Variants in ARHGAP24 observed in about 807,000 individuals in gnomAD.
The protein encoded by ARHGAP24 is rho GTPase-activating protein 24.
Under a neutral mutation model 76.4 loss-of-function variants are expected in ARHGAP24, and 50 were observed. The observed-to-expected ratio is 0.65, with a 90% CI of 0.52 to 0.83. The LOEUF is 0.83. Among genes scored for constraint, ARHGAP24 ranks in the 40% least tolerant of loss-of-function variants. ARHGAP24 has a pLI of 0.00. For missense variants in ARHGAP24, 930 were observed against 914.2 expected, an observed-to-expected ratio of 1.02 and a Z score of -0.22; for synonymous variants, 345 against 323.3, an observed-to-expected ratio of 1.07 and a Z score of -0.72.
Position 85,536,152 on chromosome 4 carries a change from A to G in ARHGAP24, c.-20-34370A>G, listed in dbSNP as rs150213100. On this transcript the variant is annotated intron_variant, in intron 1 of 9. Transcript: ENST00000395184. ...CTTACTCCAGTACAAAAAAAAAAGG[A>G]CATGCTAATTACTCTCAGAGAACCT... 9.7e-3 allele frequency among the ~76,000 whole-genome samples: 1,469 copies of G among 152,206 alleles called. 13 individuals carry two copies. Among genetic ancestry groups the G allele is most frequent in the East Asian group, 0.018 (95 of 5,182 alleles).
At chr4:85,847,480 A>G (rs557837857) in intron 3 of ARHGAP24, among the ~76,000 whole-genome samples, 2 of 152,314 alleles carry the variant, frequency 1.3e-5, no homozygotes, top group South Asian at 4.1e-4. Context: ...ATATAGCAGA[A>G]TAAAGGATGT....
intron 4 of ARHGAP24, among the ~76,000 whole-genome samples, chr4:85,931,710 T>G (rs1736343818): frequency 6.6e-6 from 1 of 152,160 alleles, no homozygotes. Context: ...TTGACTTATT[T>G]GGGGGGAGTT....
chr4:85,567,030 G>T (rs1304555222), intron 1 of ARHGAP24, among the ~76,000 whole-genome samples: 3 of 152,148 alleles, frequency 2.0e-5, no homozygotes, highest in Non-Finnish European at 2.9e-5. Flanking sequence ...GTATGGGGAG[G>T]GATGGGGAGA....
chr4:85,742,827 T>A (rs1032165864), intron 3 of ARHGAP24, among the ~76,000 whole-genome samples: 3 of 152,230 alleles, frequency 2.0e-5, no homozygotes, highest in African/African-American at 7.2e-5. Flanking sequence ...TTTTGTTATA[T>A]TTTAGTGCCA....
intron 1 of ARHGAP24, among the ~76,000 whole-genome samples, chr4:85,564,641 G>A (rs1176285361): frequency 6.6e-6 from 1 of 151,732 alleles, no homozygotes; most frequent in African/African-American, 2.4e-5. Context: ...GGGGGAGATG[G>A]TTTGGGGATG....
At chr4:85,764,998 T>G (rs1276001426) in intron 3 of ARHGAP24, among the ~76,000 whole-genome samples, 1 of 152,116 alleles carries the variant, frequency 6.6e-6, no homozygotes, top group Non-Finnish European at 1.5e-5. Flanking sequence ...TTGGCCCAAA[T>G]GGCATATTAA....
intron 1 of ARHGAP24, among the ~76,000 whole-genome samples, chr4:85,492,272 CATTTCCAGG>C (rs1221302760): frequency 6.6e-6 from 1 of 152,122 alleles, no homozygotes; most frequent in Admixed American, 6.6e-5. Flanking sequence ...TTCAGTTACA[CATTTCCAGG>C]ATGTGCTATC....
chr4:85,617,224 C>T (rs1390125284), intron 2 of ARHGAP24, among the ~76,000 whole-genome samples: 3 of 147,724 alleles, frequency 2.0e-5, no homozygotes, highest in Non-Finnish European at 3.0e-5. Context: ...TTGAATATAT[C>T]TATATATTTG....
intron 2 of ARHGAP24, among the ~76,000 whole-genome samples, chr4:85,707,328 C>A (rs1724352348): frequency 6.6e-6 from 1 of 152,116 alleles, no homozygotes; most frequent in Non-Finnish European, 1.5e-5. Flanking sequence ...ATATGGATGA[C>A]CTGTTTGTGC....
intron 2 of ARHGAP24, among the ~76,000 whole-genome samples, chr4:85,600,453 T>C (rs1245021435): frequency 1.3e-5 from 2 of 152,198 alleles, no homozygotes; most frequent in Non-Finnish European, 2.9e-5. Flanking sequence ...ATACTAGTTA[T>C]GAAAGCCATT....
chr4:85,929,405 G>A (rs1336109779), intron 4 of ARHGAP24, among the ~76,000 whole-genome samples: 1 of 152,162 alleles, frequency 6.6e-6, no homozygotes, highest in South Asian at 2.1e-4. Context: ...AAATGGCTGG[G>A]AAGGAACACA....
At chr4:85,994,201 A>AT (rs1302452172) in intron 8 of ARHGAP24, among the ~76,000 whole-genome samples, 1 of 152,124 alleles carries the variant, frequency 6.6e-6, no homozygotes, top group Non-Finnish European at 1.5e-5. Flanking sequence ...TAAATGTCAA[A>AT]TTTTTAATAA....
At chr4:85,854,236 T>C (rs1731431056) in intron 3 of ARHGAP24, among the ~76,000 whole-genome samples, 1 of 151,516 alleles carries the variant, frequency 6.6e-6, no homozygotes, top group Non-Finnish European at 1.5e-5. Flanking sequence ...CAAAATGTAA[T>C]AATCAGCATT....
chr4:85,897,393 A>T (rs1734237378), intron 3 of ARHGAP24, among the ~76,000 whole-genome samples: 1 of 152,204 alleles, frequency 6.6e-6, no homozygotes, highest in African/African-American at 2.4e-5. Flanking sequence ...AATTTCCTTC[A>T]CTCATATGTG....
intron 3 of ARHGAP24, among the ~76,000 whole-genome samples, chr4:85,752,531 C>T (rs771750256): frequency 3.3e-5 from 5 of 151,798 alleles, no homozygotes; most frequent in East Asian, 1.9e-4. Context: ...GTTAATCAAT[C>T]GGTATTAAAT....
At position 85,829,377 on chromosome 4, in the gene ARHGAP24, A is replaced by G. The variant is rs188051140; in HGVS notation, c.269-94271A>G. On this transcript the variant is annotated intron_variant, in intron 3 of 9. Transcript: ENST00000395184. The stretch of plus-strand genomic sequence containing the variant: ...CACTTTTAAAGTATGTCAGTTTTGA[A>G]AGAAGATTCTAATACTGTAAACTAG... 1.9e-3 allele frequency among the ~76,000 whole-genome samples: 291 copies of G among 152,328 alleles called. 1 individual carries two copies. Among genetic ancestry groups the G allele is most frequent in the African/African-American group, 6.7e-3 (277 of 41,584 alleles).
intron 1 of ARHGAP24, among the ~76,000 whole-genome samples, chr4:85,526,277 T>C (rs1425660968): frequency 6.6e-6 from 1 of 151,656 alleles, no homozygotes; most frequent in East Asian, 1.9e-4. Flanking sequence ...AGTGTACACC[T>C]GTAGTCCTGG....
chr4:85,842,799 G>C (rs1371734028), intron 3 of ARHGAP24, among the ~76,000 whole-genome samples: 13 of 152,204 alleles, frequency 8.5e-5, no homozygotes, highest in African/African-American at 3.1e-4. Context: ...GAGGAAGGGA[G>C]CTCATGTTTA....
chr4:85,640,188 G>A (rs1721474076), intron 2 of ARHGAP24, among the ~76,000 whole-genome samples: 1 of 152,086 alleles, frequency 6.6e-6, no homozygotes. Context: ...CCAGGGCGAG[G>A]TACCAGACAG....
Sources: gnomAD v4.1 joint callset for allele counts (sites outside exome capture counted in the v4.1 genomes callset) on GRCh38, gnomAD v4.1.1 for gene constraint, MANE v1.5 for transcripts, NCBI Gene and HGNC (gene_info 2026-07-23, HGNC 2026-07-21) for gene names.